The following ITPKB variants were observed in gnomAD, a reference collection of about 807,000 sequenced individuals.
The protein encoded by ITPKB is inositol-trisphosphate 3-kinase B, also known as IP3 3-kinase B.
Under a neutral mutation model 69.4 loss-of-function variants are expected in ITPKB, and 13 were observed. The ratio of observed to expected loss-of-function variants is 0.19; its 90% CI spans 0.12 to 0.30. ITPKB has a LOEUF of 0.30. Among genes scored for constraint, ITPKB ranks in the 10% least tolerant of loss-of-function variants. The pLI is 1.00. For missense variants in ITPKB, 1,240 were observed against 1,250.5 expected (o/e 0.99, Z 0.13); for synonymous variants, 584 against 513.7 (o/e 1.14, Z -1.85).
rs1049420140 is a variant in ITPKB, at chr1:226,736,046, A to AG, written c.1412dup (p.Ser472PhefsTer69). ...GCAAAGGCTCCAGCATTCTGCCAGA[A>AG]GGAATTCCCGCCTCCACATTCCCGG... is the stretch of plus-strand genomic sequence containing the variant. On this transcript the variant is annotated frameshift_variant, in exon 2 of 8. Transcript: ENST00000429204. LOFTEE classifies it high-confidence loss of function. The AG allele has an allele frequency of 1.2e-6, 2 of 1,613,528 alleles. No homozygotes were observed. The highest frequency in any genetic ancestry group is 3.3e-5 in the Admixed American group (2 of 60,024).
intron 2 of ITPKB, chr1:226,659,744 G>GGGAAA (rs2102756063): frequency 6.6e-6 from 1 of 152,334 alleles, no homozygotes; most frequent in South Asian, 2.1e-4. Context: ...GGGCAGGGAA[G>GGGAAA]GGAAAGGAAG....
intron 2 of ITPKB, among the ~76,000 whole-genome samples, chr1:226,693,983 T>A (rs1339701881): frequency 6.6e-6 from 1 of 152,228 alleles, no homozygotes; most frequent in Non-Finnish European, 1.5e-5. Flanking sequence ...TTAAGAGGTG[T>A]CAGAGGACTA....
chr1:226,701,641 A>T (rs1156911833), intron 2 of ITPKB, among the ~76,000 whole-genome samples: 1 of 145,154 alleles, frequency 6.9e-6, no homozygotes, highest in Non-Finnish European at 1.5e-5. Flanking sequence ...ACTTCACTTT[A>T]CCCATTTTCT....
At chr1:226,713,317 G>T (rs1657018995) in intron 2 of ITPKB, among the ~76,000 whole-genome samples, 1 of 152,274 alleles carries the variant, frequency 6.6e-6, no homozygotes, top group South Asian at 2.1e-4. Context: ...TACACACCAT[G>T]GGGCGAAACA....
chr1:226,733,679 C>T (rs573848753), intron 2 of ITPKB, among the ~76,000 whole-genome samples: 2 of 152,242 alleles, frequency 1.3e-5, no homozygotes, highest in African/African-American at 2.4e-5. Flanking sequence ...TGTCTGAAAA[C>T]CTGTTTAAAG....
chr1:226,652,333 G>A (rs775056261), intron 2 of ITPKB, among the ~76,000 whole-genome samples: 6 of 152,206 alleles, frequency 3.9e-5, no homozygotes, highest in African/African-American at 9.6e-5. Context: ...GGCACACGCC[G>A]CTTTCCAGGA....
At chr1:226,716,989 G>A (rs1008492671) in intron 2 of ITPKB, among the ~76,000 whole-genome samples, 5 of 152,090 alleles carry the variant, frequency 3.3e-5, no homozygotes, top group African/African-American at 1.2e-4. Context: ...TCATACCGAG[G>A]GAGAAATAAC....
intron 2 of ITPKB, among the ~76,000 whole-genome samples, chr1:226,703,444 G>C (rs976309560): frequency 1.3e-5 from 2 of 152,218 alleles, no homozygotes; most frequent in African/African-American, 4.8e-5. Context: ...GGTGAAGCAG[G>C]GCCTGCTCTA....
intron 2 of ITPKB, among the ~76,000 whole-genome samples, chr1:226,728,710 A>G (rs1314368528): frequency 1.3e-5 from 2 of 152,228 alleles, no homozygotes; most frequent in African/African-American, 4.8e-5. Context: ...TACCAGGTAC[A>G]GTGCTAGGCA....
At chr1:226,661,882 T>C (rs1669409433) in intron 2 of ITPKB, among the ~76,000 whole-genome samples, 1 of 152,142 alleles carries the variant, frequency 6.6e-6, no homozygotes, top group Admixed American at 6.5e-5. Context: ...CTTCTATCCC[T>C]AATCCCAGCC....
At chr1:226,645,590 TG>T (rs1669044541) in intron 4 of ITPKB, among the ~76,000 whole-genome samples, 2 of 152,214 alleles carry the variant, frequency 1.3e-5, no homozygotes, top group Admixed American at 6.5e-5. Flanking sequence ...GGACACCACT[TG>T]GATTATTCTC....
chr1:226,644,707 C>T (rs533444072), intron 4 of ITPKB, among the ~76,000 whole-genome samples: 28 of 152,214 alleles, frequency 1.8e-4, no homozygotes, highest in African/African-American at 6.5e-4. Flanking sequence ...GTTTGGTGAC[C>T]GGCCCTTCCC....
intron 2 of ITPKB, chr1:226,676,048 G>C (rs1364394890): frequency 1.3e-5 from 2 of 152,190 alleles, no homozygotes; most frequent in African/African-American, 4.8e-5. Context: ...CCTCTCCAGA[G>C]GTGAAGACTT....
intron 6 of ITPKB, among the ~76,000 whole-genome samples, chr1:226,638,973 CCTT>C (rs2102738847): frequency 1.3e-5 from 2 of 151,778 alleles, no homozygotes; most frequent in African/African-American, 4.8e-5. Context: ...AAGCACATCG[CCTT>C]CTTCTTTACT....
At chr1:226,718,534 A>G (rs1158903317) in intron 2 of ITPKB, among the ~76,000 whole-genome samples, 1 of 152,066 alleles carries the variant, frequency 6.6e-6, no homozygotes, top group African/African-American at 2.4e-5. Flanking sequence ...CTAGGAAGTC[A>G]GGGCTGCAGT....
intron 5 of ITPKB, among the ~76,000 whole-genome samples, chr1:226,640,168 T>C (rs1668928718): frequency 6.6e-6 from 1 of 152,194 alleles, no homozygotes; most frequent in African/African-American, 2.4e-5. Context: ...CTTTCACGTT[T>C]TCTGAAAGCC....
intron 2 of ITPKB, among the ~76,000 whole-genome samples, chr1:226,702,751 A>T (rs925729505): frequency 1.2e-4 from 18 of 152,178 alleles, no homozygotes; most frequent in African/African-American, 4.3e-4. Context: ...CCCAACCGGG[A>T]AGCCTGGGGC....
chr1:226,667,557 G>A (rs1669527286), intron 2 of ITPKB, among the ~76,000 whole-genome samples: 1 of 152,176 alleles, frequency 6.6e-6, no homozygotes, highest in African/African-American at 2.4e-5. Context: ...GCAAACAAGA[G>A]GAGCTCTGGA....
At chr1:226,691,751 A>T (rs1158044049) in intron 2 of ITPKB, among the ~76,000 whole-genome samples, 5 of 152,224 alleles carry the variant, frequency 3.3e-5, no homozygotes, top group African/African-American at 1.2e-4. Flanking sequence ...ATGCCACCTT[A>T]GCAGCTGTGC....
Sources: gnomAD v4.1 joint callset for allele counts (sites outside exome capture counted in the v4.1 genomes callset) on GRCh38, gnomAD v4.1.1 for gene constraint, MANE v1.5 for transcripts, NCBI Gene and HGNC (gene_info 2026-07-23, HGNC 2026-07-21) for gene names.